MACROD2: variants seen among roughly 807,000 people sequenced by gnomAD.
MACROD2 encodes the protein mono-ADP ribosylhydrolase 2.
In MACROD2, 36 loss-of-function variants were observed where a neutral mutation model predicts 70.4. The observed-to-expected ratio is 0.51, with a 90% CI of 0.39 to 0.68. MACROD2 has a LOEUF of 0.68. Among genes scored for constraint, MACROD2 ranks in the 30% least tolerant of loss-of-function variants. MACROD2 has a pLI of 0.00. For missense variants in MACROD2, 496 were observed against 538.4 expected (o/e 0.92, Z 0.78); for synonymous variants, 172 against 178.8 (o/e 0.96, Z 0.30).
chr20:14,912,640 A>C (rs1290956229), intron 5 of MACROD2, among the ~76,000 whole-genome samples: 1 of 152,198 alleles, frequency 6.6e-6, no homozygotes, highest in Non-Finnish European at 1.5e-5. Flanking sequence ...AGGCAGAGAA[A>C]TAAGGAACAG....
intron 5 of MACROD2, among the ~76,000 whole-genome samples, chr20:14,774,768 A>C (rs1040680156): frequency 6.6e-6 from 1 of 152,158 alleles, no homozygotes; most frequent in Non-Finnish European, 1.5e-5. Flanking sequence ...AAAAGTTGTC[A>C]TTAGAATAAG....
intron 8 of MACROD2, among the ~76,000 whole-genome samples, chr20:15,800,207 G>A (rs143586817): frequency 7.0e-4 from 107 of 152,148 alleles, no homozygotes; most frequent in Non-Finnish European, 1.4e-3. Context: ...TTGATAGTTT[G>A]CAGATATTTT....
At chr20:14,996,429 G>A (rs1469586714) in intron 5 of MACROD2, among the ~76,000 whole-genome samples, 1 of 152,158 alleles carries the variant, frequency 6.6e-6, no homozygotes, top group Non-Finnish European at 1.5e-5. Context: ...GAGAGGGGAG[G>A]CAGAGCGAGA....
intron 5 of MACROD2, among the ~76,000 whole-genome samples, chr20:14,993,141 G>GA (rs1294319452): frequency 6.6e-6 from 1 of 152,060 alleles, no homozygotes; most frequent in Non-Finnish European, 1.5e-5. Context: ...TTTTTTGGAA[G>GA]ATGGTTTCAA....
intron 5 of MACROD2, among the ~76,000 whole-genome samples, chr20:15,005,468 A>C (rs893785915): frequency 1.3e-5 from 2 of 152,194 alleles, no homozygotes; most frequent in African/African-American, 4.8e-5. Context: ...GTTCTACTTA[A>C]TCAAATATTC....
At chr20:15,844,450 C>G (rs920938219) in intron 8 of MACROD2, among the ~76,000 whole-genome samples, 1 of 152,142 alleles carries the variant, frequency 6.6e-6, no homozygotes, top group East Asian at 1.9e-4. Flanking sequence ...ATTTACTCCC[C>G]CAGATAGCCT....
intron 5 of MACROD2, among the ~76,000 whole-genome samples, chr20:14,760,226 G>A (rs1403008145): frequency 3.3e-5 from 5 of 152,012 alleles, no homozygotes; most frequent in African/African-American, 1.2e-4. Flanking sequence ...GTGGAGTGAG[G>A]GCAGGGAGGG....
intron 5 of MACROD2, among the ~76,000 whole-genome samples, chr20:14,692,290 G>A (rs1026399738): frequency 2.6e-5 from 4 of 152,198 alleles, no homozygotes; most frequent in African/African-American, 9.7e-5. Flanking sequence ...CTTGCCTTGA[G>A]ATTTCTTTTG....
chr20:15,433,459 C>CAAAAA (rs60298297), intron 7 of MACROD2, among the ~76,000 whole-genome samples: 3,067 of 88,054 alleles, frequency 0.035, 180 homozygotes, highest in Middle Eastern at 0.074. Flanking sequence ...ACAAGAGCTG[C>CAAAAA]AAAAAAAAAA....
intron 10 of MACROD2, among the ~76,000 whole-genome samples, chr20:15,899,530 A>G (rs1427818213): frequency 6.6e-6 from 1 of 152,196 alleles, no homozygotes; most frequent in Admixed American, 6.5e-5. Context: ...ACAAACACAT[A>G]TTTTCATTAA....
chr20:14,991,497 C>T (rs1436094142), intron 5 of MACROD2, among the ~76,000 whole-genome samples: 1 of 152,142 alleles, frequency 6.6e-6, no homozygotes, highest in East Asian at 1.9e-4. Context: ...TTTATTTTCT[C>T]TACTTTGCAA....
intron 8 of MACROD2, among the ~76,000 whole-genome samples, chr20:15,785,752 AT>A: frequency 6.6e-6 from 1 of 152,246 alleles, no homozygotes. Flanking sequence ...CATCATACAT[AT>A]CCCACCGTGC....
At chr20:15,174,453 G>A (rs1049537788) in intron 5 of MACROD2, among the ~76,000 whole-genome samples, 11 of 152,036 alleles carry the variant, frequency 7.2e-5, no homozygotes, top group South Asian at 2.1e-4. Context: ...GAATAGTGCC[G>A]CAATAAACAT....
At chr20:15,963,130 A>G (rs1048493980) in intron 12 of MACROD2, among the ~76,000 whole-genome samples, 3 of 152,206 alleles carry the variant, frequency 2.0e-5, no homozygotes, top group Admixed American at 2.0e-4. Flanking sequence ...TTTGCATAGT[A>G]TAATCAAATC....
chr20:15,813,857 G>T (rs1798149190), intron 8 of MACROD2, among the ~76,000 whole-genome samples: 2 of 152,182 alleles, frequency 1.3e-5, no homozygotes, highest in African/African-American at 4.8e-5. Context: ...ACATAGGGAA[G>T]AAACTAGCCC....
chr20:15,645,890 G>A (rs1407359908), intron 8 of MACROD2, among the ~76,000 whole-genome samples: 3 of 152,190 alleles, frequency 2.0e-5, no homozygotes, highest in Non-Finnish European at 4.4e-5. Flanking sequence ...TAGCAGGCAA[G>A]CTAATTTGAA....
chr20:14,386,831 T>C (rs565857233), intron 3 of MACROD2, among the ~76,000 whole-genome samples: 1 of 152,310 alleles, frequency 6.6e-6, no homozygotes, highest in South Asian at 2.1e-4. Flanking sequence ...CTAATGTAGA[T>C]GGCTTTTCTC....
intron 3 of MACROD2, among the ~76,000 whole-genome samples, chr20:14,190,704 T>TATATATATATATACA (rs2081379899): frequency 4.7e-5 from 1 of 21,194 alleles, no homozygotes; most frequent in Admixed American, 9.9e-4. Flanking sequence ...ATATATTTTT[T>TATATATATATATACA]TTTTTTTTTT....
intron 3 of MACROD2, among the ~76,000 whole-genome samples, chr20:14,346,879 C>T (rs966246262): frequency 6.6e-6 from 1 of 152,170 alleles, no homozygotes; most frequent in Non-Finnish European, 1.5e-5. Context: ...ATCTCTTTTA[C>T]TATATTCTCT....
Sources: gnomAD v4.1 joint callset for allele counts (sites outside exome capture counted in the v4.1 genomes callset) on GRCh38, gnomAD v4.1.1 for gene constraint, MANE v1.5 for transcripts, NCBI Gene and HGNC (gene_info 2026-07-23, HGNC 2026-07-21) for gene names.